ADAM23: variants seen among roughly 807,000 people sequenced by gnomAD.
ADAM23 encodes disintegrin and metalloproteinase domain-containing protein 23.
A neutral mutation model predicts 120.1 loss-of-function variants in ADAM23; 33 were observed. The observed-to-expected ratio is 0.27, with a 90% CI of 0.21 to 0.37. The LOEUF is 0.37. ADAM23 is among the 10% of genes least tolerant of loss of function. ADAM23 has a pLI of 1.00. For missense variants in ADAM23, 862 were observed against 1,058.2 expected (o/e 0.81, Z 2.57); for synonymous variants, 367 against 375.2 (o/e 0.98, Z 0.25).
chr2:206,481,000 A>G (rs1695884403), intron 2 of ADAM23, among the ~76,000 whole-genome samples: 2 of 152,164 alleles, frequency 1.3e-5, no homozygotes, highest in South Asian at 4.1e-4. Context: ...TAGTGGGTTC[A>G]TTTTCAAGGA....
At chr2:206,499,506 G>A (rs1696336720) in intron 3 of ADAM23, among the ~76,000 whole-genome samples, 2 of 128,504 alleles carry the variant, frequency 1.6e-5, no homozygotes, top group Admixed American at 1.6e-4. Flanking sequence ...GGTGGGGGGA[G>A]GGGGGATAGC....
intron 2 of ADAM23, among the ~76,000 whole-genome samples, chr2:206,449,127 T>C (rs2105848360): frequency 6.6e-6 from 1 of 152,226 alleles, no homozygotes; most frequent in South Asian, 2.1e-4. Context: ...ATCTGCAGAA[T>C]TACTTGGTGT....
At chr2:206,508,426 C>T (rs886557922) in intron 3 of ADAM23, among the ~76,000 whole-genome samples, 15 of 151,952 alleles carry the variant, frequency 9.9e-5, no homozygotes, top group African/African-American at 1.7e-4. Context: ...GAGGCAGAGG[C>T]GAGCGGATCA....
chr2:206,609,942 A>G lies in ADAM23; in HGVS notation c.2392A>G (p.Ile798Val). Residue 798 changes from isoleucine (I) to valine (V), a missense_variant, in exon 25 of 26, where the codon ATC becomes GTC. Ile to Val is a conservative substitution (Grantham distance 29). Around this residue, in one of 4 missense-constraint regions of ADAM23, gnomAD observed 617 missense variants for 813.5 expected, o/e 0.76. Transcript: ENST00000264377. The stretch of plus-strand genomic sequence containing the variant: ...TGCCACCAATCTCATAATAGGCTCC[A>G]TCGCTGGTGCCATCCTGGTAGCAGC... The part of the protein sequence containing the change: ...PSATNLIIGS[I>V]AGAILVAAIV... 1 of 1,601,420 alleles carries G rather than the reference A, an allele frequency of 6.2e-7. No homozygotes were observed. The highest frequency in any genetic ancestry group is 2.3e-5 in the East Asian group (1 of 43,420).
At position 206,618,697 on chromosome 2, in the gene ADAM23, A is replaced by G. The variant is rs1448346157; in HGVS notation, c.*1070A>G. 6.6e-6 allele frequency: 1 copy of G among 152,222 alleles called. No homozygotes were observed. The highest frequency in any genetic ancestry group is 1.5e-5 in the Non-Finnish European group (1 of 68,044). 9.4% of individuals were successfully genotyped at this position (152,222 alleles called of 1,614,324 possible). ...TGCAGTTTAAAGTTGGTGTGCGTTA[A>G]ACCAAAAATAAAAGGGGGGACATAA... On this transcript the variant is annotated 3_prime_UTR_variant, in exon 26 of 26. Coordinates refer to ENST00000264377, the MANE Select transcript of ADAM23 (RefSeq NM_003812.4).
chr2:206,490,498 T>C (rs1696111312), intron 3 of ADAM23, among the ~76,000 whole-genome samples: 1 of 152,184 alleles, frequency 6.6e-6, no homozygotes, highest in African/African-American at 2.4e-5. Flanking sequence ...TTTAGGATGA[T>C]TGGAACTGTT....
chr2:206,574,857 A>G (rs946138656), intron 18 of ADAM23, among the ~76,000 whole-genome samples: 2 of 152,106 alleles, frequency 1.3e-5, no homozygotes, highest in African/African-American at 4.8e-5. Context: ...TACCTATTTT[A>G]TGTGTTTAAT....
intron 2 of ADAM23, among the ~76,000 whole-genome samples, chr2:206,469,471 C>A (rs1559221068): frequency 6.6e-6 from 1 of 152,114 alleles, no homozygotes. Context: ...CAAGTCAAAC[C>A]CCTATCACCT....
intron 25 of ADAM23, 107 bp from the exon 26 acceptor site, chr2:206,617,472 T>TGGG (rs1365328629): frequency 7.8e-7 from 1 of 1,280,810 alleles, no homozygotes; most frequent in East Asian, 2.6e-5. Flanking sequence ...TACTTTGCTC[T>TGGG]GGAACTAGCA....
intron 24 of ADAM23, among the ~76,000 whole-genome samples, chr2:206,598,631 G>A (rs1398380369): frequency 6.6e-6 from 1 of 152,194 alleles, no homozygotes; most frequent in Admixed American, 6.5e-5. Flanking sequence ...TGGCTCAGTG[G>A]TTCGCGCCTG....
chr2:206,443,632 G>A lies in ADAM23; in HGVS notation c.-235G>A, dbSNP rs1173203676. On this transcript the variant is annotated 5_prime_UTR_variant, in exon 1 of 26. Coordinates refer to ENST00000264377, the MANE Select transcript of ADAM23 (RefSeq NM_003812.4). ...AGGCTCCAAGTTGGCGGAGCGGCGA[G>A]GACCCCTGGACTCCTCTGCGTCCCG... 1 of 148,964 alleles carries A rather than the reference G, an allele frequency of 6.7e-6. No individual in the cohort carries two copies. The highest frequency in any genetic ancestry group is 1.5e-5 in the Non-Finnish European group (1 of 67,398). The allele number at this position is 148,964 out of a possible 1,614,324, so 9.2% of individuals were successfully genotyped here.
At chr2:206,591,166 T>C (rs1199401768) in intron 21 of ADAM23, among the ~76,000 whole-genome samples, 1 of 152,102 alleles carries the variant, frequency 6.6e-6, no homozygotes, top group African/African-American at 2.4e-5. Context: ...TCCTCATCTC[T>C]ATTTTTTTTT....
intron 22 of ADAM23, among the ~76,000 whole-genome samples, chr2:206,594,095 G>A (rs193297912): frequency 2.5e-3 from 383 of 151,992 alleles, no homozygotes; most frequent in Non-Finnish European, 3.6e-3. Context: ...CAATAGACTA[G>A]ACCATCTAGC....
chr2:206,586,149 A>T (rs942596285), intron 18 of ADAM23, among the ~76,000 whole-genome samples: 1 of 152,242 alleles, frequency 6.6e-6, no homozygotes, highest in South Asian at 2.1e-4. Context: ...TGTCACAGAG[A>T]TGACGGGGTG....
chr2:206,519,046 A>G (rs1553554797), intron 3 of ADAM23, among the ~76,000 whole-genome samples: 7 of 152,140 alleles, frequency 4.6e-5, no homozygotes, highest in Non-Finnish European at 4.4e-5. Flanking sequence ...TTTCTTGGAG[A>G]CCCTATAATT....
chr2:206,577,936 CT>C (rs1177619715), intron 18 of ADAM23, among the ~76,000 whole-genome samples: 1 of 151,010 alleles, frequency 6.6e-6, no homozygotes, highest in Non-Finnish European at 1.5e-5. Context: ...TGTTTCCTGA[CT>C]TTTTAATGAT....
chr2:206,615,235 G>A (rs1170934559), intron 25 of ADAM23, among the ~76,000 whole-genome samples: 1 of 152,110 alleles, frequency 6.6e-6, no homozygotes, highest in Non-Finnish European at 1.5e-5. Context: ...TAGTAAAAAT[G>A]GATGAAAGCT....
intron 2 of ADAM23, among the ~76,000 whole-genome samples, chr2:206,451,385 G>T (rs1695191367): frequency 6.6e-6 from 1 of 152,184 alleles, no homozygotes; most frequent in South Asian, 2.1e-4. Flanking sequence ...GACTACAGGT[G>T]TGTGCCACCA....
Position 206,450,114 on chromosome 2 carries a change from G to A in ADAM23, c.432+4590G>A, listed in dbSNP as rs369288945. Among the ~76,000 whole-genome samples the A allele has an allele frequency of 1.8e-4, 28 of 152,260 alleles. 1 individual carries two copies. The highest frequency in any genetic ancestry group is 6.2e-4 in the South Asian group (3 of 4,822). Reference sequence around the variant, plus strand: ...ATGGGACAACAGAAAGAGGAACATAGGATGAAGACTCCCACCTGTCTCTGC... The same window carrying A: ...ATGGGACAACAGAAAGAGGAACATAAGATGAAGACTCCCACCTGTCTCTGC... On this transcript the variant is annotated intron_variant, in intron 2 of 25. Coordinates refer to ENST00000264377, the MANE Select transcript of ADAM23 (RefSeq NM_003812.4).
Sources: gnomAD v4.1 joint callset for allele counts (sites outside exome capture counted in the v4.1 genomes callset) on GRCh38, gnomAD v4.1.1 for gene constraint, gnomAD v4.1.1 regional missense constraint, MANE v1.5 for transcripts, NCBI Gene and HGNC (gene_info 2026-07-23, HGNC 2026-07-21) for gene names.